DLL4: variants seen among roughly 807,000 people sequenced by gnomAD.
DLL4 encodes delta-like protein 4.
In DLL4, 7 loss-of-function variants were observed where a neutral mutation model predicts 73.6. The observed-to-expected ratio is 0.10, with a 90% confidence interval of 0.05 to 0.18. DLL4 has a LOEUF of 0.18. Ranked by LOEUF, DLL4 falls within the 10% of genes least tolerant of loss-of-function variation. The probability of loss-of-function intolerance (pLI) is 1.00; values close to 1 mark genes in which losing one functional copy is unlikely to be tolerated. For missense variants in DLL4, 614 were observed against 929.9 expected, an observed-to-expected ratio of 0.66 and a Z score of 4.42; for synonymous variants, 345 against 374.3, an observed-to-expected ratio of 0.92 and a Z score of 0.90.
At position 40,934,714 on chromosome 15, in the gene DLL4, T is replaced by C. The variant is rs773322690; in HGVS notation, c.1017T>C (p.Cys339=). Residue 339 remains cysteine (C), a synonymous_variant, in exon 7 of 11, where the codon TGT becomes TGC. Coordinates refer to ENST00000249749, the MANE Select transcript of DLL4 (RefSeq NM_019074.4). ...DSNPCRNGGS[C]KDQEDGYHCL... is the part of the protein sequence containing the mutation. ...ACCCCTGTCGCAATGGAGGCAGCTG[T>C]AAGGTGAGGCCCAGACCAGCGCAGG... 1 of 1,613,434 alleles carries C rather than the reference T, an allele frequency of 6.2e-7. No individual in the cohort carries two copies. Among genetic ancestry groups the C allele is most frequent in the Non-Finnish European group, 8.5e-7 (1 of 1,179,624 alleles).
At position 40,936,942 on chromosome 15, in the gene DLL4, C is replaced by G; in HGVS notation, c.1943+12C>G. ...CTGCGGTTACACAGGTGAGTGGCAC[C>G]CAGAAGCCCAGGGCCTGGCCACCGG... On this transcript the variant is annotated intron_variant, in intron 9 of 10. Transcript: ENST00000249749. 1 of 1,566,896 alleles carries G rather than the reference C, an allele frequency of 6.4e-7. No individual in the cohort carries two copies. The highest frequency in any genetic ancestry group is 8.6e-7 in the Non-Finnish European group (1 of 1,157,874).
Position 40,931,627 on chromosome 15 carries a change from C to T in DLL4, c.519C>T (p.Val173=). Residue 173 remains valine, a synonymous_variant, in exon 4 of 11, where the codon GTC becomes GTT. Coordinates refer to ENST00000249749, the MANE Select transcript of DLL4 (RefSeq NM_019074.4). ...TLTRLRYSYR[V]ICSDNYYGDN... ...CAAGGCTGCGCTACTCTTACCGGGT[C>T]ATCTGCAGTGACAACTACTATGGAG... 2.5e-6 allele frequency: 4 copies of T among 1,613,426 alleles called. No homozygotes were observed. The highest frequency in any genetic ancestry group is 2.5e-6 in the Non-Finnish European group (3 of 1,179,650).
At chr15:40,933,057 C>A (rs1052627918) in intron 6 of DLL4, among the ~76,000 whole-genome samples, 2 of 152,248 alleles carry the variant, frequency 1.3e-5, no homozygotes, top group Middle Eastern at 3.2e-3. Flanking sequence ...TCAGCCCCAA[C>A]CTTGGGGGAG....
At chr15:40,933,428 C>T (rs1371187383) in intron 6 of DLL4, among the ~76,000 whole-genome samples, 1 of 152,176 alleles carries the variant, frequency 6.6e-6, no homozygotes, top group South Asian at 2.1e-4. Context: ...ACAGCACTTG[C>T]AGGCCATATA....
Position 40,931,429 on chromosome 15 carries a change from G to A in DLL4, c.395-74G>A, listed in dbSNP as rs1356025403. The stretch of plus-strand genomic sequence containing the variant: ...TGATCACCATCATCACAGCCAAGAA[G>A]GACATTGGCCAGCCGTCACTGGCAC... On this transcript the variant is annotated intron_variant, in intron 3 of 10. Coordinates refer to ENST00000249749, the MANE Select transcript of DLL4 (RefSeq NM_019074.4). 16 of 1,498,894 alleles carry A rather than the reference G, an allele frequency of 1.1e-5. No homozygotes were observed. The South Asian group carries it at 1.9e-4, about 18-fold the overall frequency. 92.8% of individuals were successfully genotyped at this position (1,498,894 alleles called of 1,614,324 possible).
At position 40,930,020 on chromosome 15, in the gene DLL4, C is replaced by T. The variant is rs372984064; in HGVS notation, c.240C>T (p.Ser80=). 6.2e-7 allele frequency: 1 copy of T among 1,612,798 alleles called. No individual in the cohort carries two copies. The highest frequency in any genetic ancestry group is 8.5e-7 in the Non-Finnish European group (1 of 1,179,692). ...GACCCTGCACCTTCGGGACCGTCTCCACGCCGGTATTGGGCACCAACTCCT... is the reference window on the plus strand; with the variant it reads ...GACCCTGCACCTTCGGGACCGTCTCTACGCCGGTATTGGGCACCAACTCCT... The part of the protein sequence containing the change: ...SPGPCTFGTV[S]TPVLGTNSFA... Residue 80 remains serine (S), a synonymous_variant, in exon 2 of 11, where the codon TCC becomes TCT. Transcript: ENST00000249749. This position sits in a 1 kb window ranked among gnomAD's most constrained non-coding sequence, Gnocchi z 5.7.
At position 40,929,500 on chromosome 15, in the gene DLL4, CCTACAGCGGCAG is replaced by C; in HGVS notation, c.-166_-155del. On this transcript the variant is annotated 5_prime_UTR_variant, in exon 1 of 11. Transcript: ENST00000249749. The surrounding 1 kb of genome is among the most constrained non-coding windows in gnomAD (Gnocchi z 7.1). ...CGCCCAGCCGTAGTCACCTGGATTA[CCTACAGCGGCAG>C]CTGCAGCGGAGCCAGCGAGAAGGCC... The C allele has an allele frequency of 3.1e-6, 2 of 641,462 alleles. No homozygotes were observed. Among genetic ancestry groups the C allele is most frequent in the Non-Finnish European group, 5.2e-6 (2 of 386,602 alleles). The allele number at this position is 641,462 out of a possible 1,614,324, so 39.7% of individuals were successfully genotyped here. A position where few individuals can be genotyped will look rare whatever the true frequency, so the allele number is the denominator to read the frequency against.
chr15:40,938,021 G>C lies in DLL4; in HGVS notation c.2053-8G>C, dbSNP rs771641843. 1.0e-5 allele frequency: 16 copies of C among 1,599,320 alleles called. No individual in the cohort carries two copies. In the South Asian group the frequency reaches 1.5e-4, roughly 15 times the overall value. ...TAACCTGTTTCCCTGCCTTCCGCTT[G>C]CTCCCAGGTATAAGGCAGGAGCCTA... On this transcript the variant is annotated splice_region_variant and splice_polypyrimidine_tract_variant and intron_variant, in intron 10 of 10. Coordinates refer to ENST00000249749, the MANE Select transcript of DLL4 (RefSeq NM_019074.4).
chr15:40,934,510 C>T, intron 6 of DLL4, 38 bp from the exon 7 acceptor site: 2 of 1,605,536 alleles, frequency 1.2e-6, no homozygotes, highest in Non-Finnish European at 8.5e-7. Context: ...GAGTGCATTC[C>T]CTGGCCCTGC....
chr15:40,929,646 T>C lies in DLL4; in HGVS notation c.-23T>C, dbSNP rs897147422. On this transcript the variant is annotated 5_prime_UTR_variant, in exon 1 of 11. Transcript: ENST00000249749. This position sits in a 1 kb window ranked among gnomAD's most constrained non-coding sequence, Gnocchi z 7.1. ...CAGAGCCAGATTGAGGGCCCGCGGG[T>C]GGAGAGAGCGACGCCCGAGGGGATG... 9 of 1,509,358 alleles carry C rather than the reference T, an allele frequency of 6.0e-6. 1 individual carries two copies. Among genetic ancestry groups the C allele is most frequent in the Non-Finnish European group, 6.1e-6 (7 of 1,138,890 alleles). The allele number at this position is 1,509,358 out of a possible 1,614,324, so 93.5% of individuals were successfully genotyped here. A position where few individuals can be genotyped will look rare whatever the true frequency, so the allele number is the denominator to read the frequency against.
Position 40,930,073 on chromosome 15 carries a change from G to C in DLL4, c.293G>C (p.Gly98Ala), listed in dbSNP as rs1365057838. The C allele has an allele frequency of 2.5e-6, 4 of 1,607,506 alleles. No homozygotes were observed. Among genetic ancestry groups the C allele is most frequent in the Admixed American group, 3.4e-5 (2 of 59,230 alleles). The change falls in exon 2 of 11, where the codon GGG becomes GCG. Residue 98 changes from glycine (G) to alanine (A), a missense_variant. This residue lies in a region of DLL4 where 227 missense variants were observed against 370.8 expected (regional missense o/e 0.61). Coordinates refer to ENST00000249749, the MANE Select transcript of DLL4 (RefSeq NM_019074.4). This position sits in a 1 kb window ranked among gnomAD's most constrained non-coding sequence, Gnocchi z 5.7. The part of the protein sequence containing the change: ...SFAVRDDSSG[G>A]GRNPLQLPFN... ...GCTGTCCGGGACGACAGTAGCGGCG[G>C]GGGGCGCAACCCTCTCCAACTGCCC...
chr15:40,934,427 C>A, intron 6 of DLL4, 121 bp from the exon 7 acceptor site: 1 of 882,966 alleles, frequency 1.1e-6, no homozygotes. Context: ...ATGTTTGGGC[C>A]TGGGAGACTT....
rs369149337 is a variant in DLL4 at position 40,935,010 on chromosome 15, G to A, written c.1133G>A (p.Arg378Gln). The A allele has an allele frequency of 2.0e-5, 33 of 1,613,414 alleles. No individual in the cohort carries two copies. The highest frequency in any genetic ancestry group is 1.3e-4 in the East Asian group (6 of 44,902). ...DSPCFNGGSC[R>Q]ERNQGANYAC... ...CCCTGCTTCAATGGGGGCTCCTGCC[G>A]GGAGCGCAACCAGGGGGCCAACTAT... Residue 378 changes from arginine to glutamine, a missense_variant, in exon 8 of 11, where the codon CGG becomes CAG. By Grantham distance (43) the Arg-to-Gln change is conservative. This residue lies in a region of DLL4 where 386 missense variants were observed against 541.3 expected (regional missense o/e 0.71). Transcript: ENST00000249749.
chr15:40,937,410 T>C lies in DLL4; in HGVS notation c.1944-8T>C. On this transcript the variant is annotated splice_region_variant and splice_polypyrimidine_tract_variant and intron_variant, in intron 9 of 10. Transcript: ENST00000249749. ...CCTCCCTTACACGCCTGTCTTGTGT[T>C]CCCTCAGTGAAAAGCCAGAGTGTCG... The C allele has an allele frequency of 1.3e-6, 2 of 1,599,082 alleles. No homozygotes were observed. The highest frequency in any genetic ancestry group is 1.7e-6 in the Non-Finnish European group (2 of 1,166,366).
Position 40,937,526 on chromosome 15 carries a change from G to A in DLL4, c.2052G>A (p.Glu684=). 6.2e-7 allele frequency: 1 copy of A among 1,600,642 alleles called. No homozygotes were observed. Among genetic ancestry groups the A allele is most frequent in the Non-Finnish European group, 8.6e-7 (1 of 1,167,680 alleles). The change falls in exon 10 of 11, where the codon GAG becomes GAA. Residue 684 remains glutamate, a splice_region_variant and synonymous_variant. Transcript: ENST00000249749. ...GGAATGAATGTGTCATTGCCACGGA[G>A]GTGAGTGCTGGGCTCGCCTTTCCTT... ...EERNECVIAT[E]V is the part of the protein sequence containing the mutation.
chr15:40,937,659 G>T (rs943570689), intron 10 of DLL4, 133 bp downstream of exon 10: 38 of 735,030 alleles, frequency 5.2e-5, no homozygotes, highest in Middle Eastern at 6.9e-4. Context: ...TGGACTCTTG[G>T]GTCCCTGCTG....
Position 40,930,746 on chromosome 15 carries a change from T to C in DLL4, c.394+64T>C. On this transcript the variant is annotated intron_variant, in intron 3 of 10. Transcript: ENST00000249749. The surrounding 1 kb of genome is among the most constrained non-coding windows in gnomAD (Gnocchi z 5.7). Reference sequence around the variant, plus strand: ...GCGCAGCGCCGAAAGAGTTAATCTGTTCTAGGCGGGGGAAGTGCGGGCTTG... The same window carrying C: ...GCGCAGCGCCGAAAGAGTTAATCTGCTCTAGGCGGGGGAAGTGCGGGCTTG... 1 of 1,541,204 alleles carries C rather than the reference T, an allele frequency of 6.5e-7. No homozygotes were observed. Among genetic ancestry groups the C allele is most frequent in the Non-Finnish European group, 8.9e-7 (1 of 1,121,392 alleles).
At position 40,930,701 on chromosome 15, in the gene DLL4, C is replaced by T; in HGVS notation, c.394+19C>T. On this transcript the variant is annotated intron_variant, in intron 3 of 10. Coordinates refer to ENST00000249749, the MANE Select transcript of DLL4 (RefSeq NM_019074.4). This position sits in a 1 kb window ranked among gnomAD's most constrained non-coding sequence, Gnocchi z 5.7. Reference sequence around the variant, plus strand: ...CGGCCAGGTGAGTAGCTCGCTCCGCCACCACAGGGGGGCGACACGGCGCAG... The same window carrying T: ...CGGCCAGGTGAGTAGCTCGCTCCGCTACCACAGGGGGGCGACACGGCGCAG... 4 of 1,612,548 alleles carry T rather than the reference C, an allele frequency of 2.5e-6. No individual in the cohort carries two copies. The highest frequency in any genetic ancestry group is 3.4e-6 in the Non-Finnish European group (4 of 1,178,920).
rs1346901645 is a variant in DLL4 at position 40,930,713 on chromosome 15, G to A, written c.394+31G>A. On this transcript the variant is annotated intron_variant, in intron 3 of 10. Transcript: ENST00000249749. The surrounding 1 kb of genome is among the most constrained non-coding windows in gnomAD (Gnocchi z 5.7). ...TAGCTCGCTCCGCCACCACAGGGGG[G>A]CGACACGGCGCAGCGCCGAAAGAGT... The A allele has an allele frequency of 6.2e-7, 1 of 1,607,708 alleles. No individual in the cohort carries two copies. Among genetic ancestry groups the A allele is most frequent in the Non-Finnish European group, 8.5e-7 (1 of 1,174,872 alleles).
Sources: gnomAD v4.1 joint callset for allele counts (sites outside exome capture counted in the v4.1 genomes callset) on GRCh38, gnomAD v4.1.1 for gene constraint, gnomAD v4.1.1 regional missense constraint, Gnocchi (gnomAD v3.1) non-coding constraint, MANE v1.5 for transcripts, NCBI Gene and HGNC (gene_info 2026-07-23, HGNC 2026-07-21) for gene names.